The following GPHN variants were observed in gnomAD, a reference collection of about 807,000 sequenced individuals.
GPHN encodes the protein gephyrin.
In GPHN, 17 loss-of-function variants were observed where a neutral mutation model predicts 95.5. That is an observed-to-expected ratio of 0.18 (90% CI 0.12 to 0.27). GPHN has a LOEUF of 0.27. GPHN is among the 10% of genes least tolerant of loss of function. GPHN has a pLI of 1.00. For synonymous variants in GPHN, 320 were observed against 322.5 expected, an observed-to-expected ratio of 0.99 and a Z score of 0.08; for missense variants, 660 against 978.1, an observed-to-expected ratio of 0.67 and a Z score of 4.34.
chr14:66,854,446 A>T (rs2062715834), intron 4 of GPHN, among the ~76,000 whole-genome samples: 1 of 152,198 alleles, frequency 6.6e-6, no homozygotes, highest in South Asian at 2.1e-4. Context: ...AAATGGGGGG[A>T]TTATCCATCT....
intron 5 of GPHN, among the ~76,000 whole-genome samples, chr14:66,889,521 G>A (rs912585934): frequency 2.0e-5 from 3 of 152,114 alleles, no homozygotes; most frequent in South Asian, 2.1e-4. Context: ...TAGCCAATAA[G>A]TTAAAGAAGA....
chr14:67,350,701 A>T, the GPHN span: 17 of 1,611,720 alleles, frequency 1.1e-5, no homozygotes, highest in African/African-American at 1.3e-5. Context: ...CTGGAAAAGC[A>T]TAAACCAACA....
At chr14:66,527,950 G>C (rs2058755489) in intron 1 of GPHN, among the ~76,000 whole-genome samples, 2 of 152,156 alleles carry the variant, frequency 1.3e-5, no homozygotes, top group African/African-American at 2.4e-5. Context: ...CTGTTGGTTT[G>C]GGGTGGAGAG....
chr14:67,387,999 TGA>T, the GPHN span, among the ~76,000 whole-genome samples: 1 of 152,208 alleles, frequency 6.6e-6, no homozygotes, highest in African/African-American at 2.4e-5. Flanking sequence ...GCACAGAAAC[TGA>T]GGGGAAAGAT....
chr14:66,687,386 A>G (rs565787789), intron 2 of GPHN, among the ~76,000 whole-genome samples: 68 of 151,822 alleles, frequency 4.5e-4, no homozygotes, highest in African/African-American at 1.4e-3. Flanking sequence ...TTTGTGATGA[A>G]TGTCATTGGT....
intron 1 of GPHN, among the ~76,000 whole-genome samples, chr14:66,617,547 T>C (rs961030376): frequency 1.9e-4 from 29 of 152,192 alleles, no homozygotes; most frequent in African/African-American, 2.2e-4. Flanking sequence ...TTCTGGTCAG[T>C]TCTGATGAGA....
chr14:67,392,565 A>C, the GPHN span: 1 of 1,278,622 alleles, frequency 7.8e-7, no homozygotes, highest in Admixed American at 1.8e-5. Context: ...CCCAAGCCCA[A>C]GGTCTCCTCC....
the GPHN span, among the ~76,000 whole-genome samples, chr14:67,475,018 C>T: frequency 6.7e-6 from 1 of 149,440 alleles, no homozygotes; most frequent in Non-Finnish European, 1.5e-5. Context: ...TGGGTTCAAG[C>T]GATTCTCCTG....
chr14:67,673,027 C>T, the GPHN span, among the ~76,000 whole-genome samples: 1 of 152,210 alleles, frequency 6.6e-6, no homozygotes, highest in African/African-American at 2.4e-5. Context: ...TGGTTTACTC[C>T]CTCACTTCAT....
At chr14:67,380,809 CA>C in the GPHN span, 7 of 1,070,284 alleles carry the variant, frequency 6.5e-6, no homozygotes, top group East Asian at 2.7e-5. Flanking sequence ...TTGCATGCAT[CA>C]AAAAAGCTAT....
chr14:67,369,426 A>G, the GPHN span, among the ~76,000 whole-genome samples: 59 of 152,362 alleles, frequency 3.9e-4, no homozygotes, highest in East Asian at 0.011. Flanking sequence ...GGAAGTTTGA[A>G]CAAGCTCTGA....
At chr14:67,301,409 A>C in the GPHN span, 2 of 1,610,202 alleles carry the variant, frequency 1.2e-6, no homozygotes, top group Non-Finnish European at 1.7e-6. Context: ...TTTTGAAGCC[A>C]GTTCATCATA....
At chr14:66,542,007 C>T (rs1425594055) in intron 1 of GPHN, among the ~76,000 whole-genome samples, 1 of 152,164 alleles carries the variant, frequency 6.6e-6, no homozygotes, top group Non-Finnish European at 1.5e-5. Flanking sequence ...TCATCACTTT[C>T]TCTTCTGTCC....
At chr14:66,609,890 A>G (rs951152431) in intron 1 of GPHN, among the ~76,000 whole-genome samples, 1 of 152,166 alleles carries the variant, frequency 6.6e-6, no homozygotes, top group African/African-American at 2.4e-5. Flanking sequence ...TCGTAAAGCC[A>G]TTGAACTTCC....
intron 4 of GPHN, among the ~76,000 whole-genome samples, chr14:66,876,703 C>G (rs2063680845): frequency 6.6e-6 from 1 of 151,962 alleles, no homozygotes; most frequent in Admixed American, 6.6e-5. Flanking sequence ...AGGAAGAAGT[C>G]AAATCCCTGA....
the GPHN span, among the ~76,000 whole-genome samples, chr14:67,354,319 T>C: frequency 6.6e-6 from 1 of 151,996 alleles, no homozygotes; most frequent in Non-Finnish European, 1.5e-5. Context: ...TTTAAATACT[T>C]ATTTGATTTG....
chr14:67,004,587 G>T (rs1212899579), intron 9 of GPHN, among the ~76,000 whole-genome samples: 1 of 151,586 alleles, frequency 6.6e-6, no homozygotes, highest in Non-Finnish European at 1.5e-5. Flanking sequence ...TACTAATCGG[G>T]TGAAAAAAGT....
intron 8 of GPHN, among the ~76,000 whole-genome samples, chr14:66,943,142 C>T (rs1180358162): frequency 1.3e-5 from 2 of 152,156 alleles, no homozygotes; most frequent in Admixed American, 6.5e-5. Flanking sequence ...CCTTCTACCA[C>T]TTGTTTGAAC....
chr14:67,585,779 G>C, the GPHN span: 1 of 992,510 alleles, frequency 1.0e-6, no homozygotes, highest in Non-Finnish European at 1.5e-6. Context: ...TCCTGCCCAA[G>C]CACCAGTCCT....
Sources: allele counts gnomAD v4.1 joint callset (sites outside exome capture counted in the v4.1 genomes callset), GRCh38; gene constraint gnomAD v4.1.1; transcripts MANE v1.5; gene names NCBI Gene and HGNC (gene_info 2026-07-23, HGNC 2026-07-21).